Variants in CDC27 observed in about 807,000 individuals in gnomAD.
CDC27 encodes the protein cell division cycle protein 27 homolog.
CDC27 carries 27 observed loss-of-function variants against 109.7 expected under a neutral mutation model. The observed-to-expected ratio is 0.25, with a 90% CI of 0.18 to 0.34. The LOEUF is 0.34. Ranked by LOEUF, CDC27 falls within the 10% of genes least tolerant of loss-of-function variation. The pLI, the probability that CDC27 is intolerant of heterozygous loss-of-function variation, is 1.00. For synonymous variants in CDC27, 266 were observed against 333.9 expected (o/e 0.80, Z 2.22); for missense variants, 579 against 960.2 (o/e 0.60, Z 5.25).
intron 16 of CDC27, among the ~76,000 whole-genome samples, 153 bp downstream of exon 16, chr17:47,129,240 A>G (rs2062242546): frequency 6.6e-6 from 1 of 152,256 alleles, no homozygotes; most frequent in Non-Finnish European, 1.5e-5. Context: ...TGAGTATTTC[A>G]TGAAGACATA....
intron 4 of CDC27, among the ~76,000 whole-genome samples, chr17:47,162,634 C>T (rs2063530463): frequency 6.6e-6 from 1 of 152,138 alleles, no homozygotes; most frequent in Non-Finnish European, 1.5e-5. Context: ...TAAGCAAAGA[C>T]AAAATAATCT....
At position 47,117,864 on chromosome 17, in the gene CDC27, CCTT is replaced by C. The variant is rs1473675218; in HGVS notation, c.*3068_*3070del. 2 of 152,040 alleles carry C rather than the reference CCTT, an allele frequency of 1.3e-5. No homozygotes were observed. The highest frequency in any genetic ancestry group is 6.6e-5 in the Admixed American group (1 of 15,258). 9.4% of individuals were successfully genotyped at this position (152,040 alleles called of 1,614,324 possible). A position where few individuals can be genotyped will look rare whatever the true frequency, so the allele number is the denominator to read the frequency against. On this transcript the variant is annotated 3_prime_UTR_variant, in exon 19 of 19. Coordinates refer to ENST00000066544, the MANE Select transcript of CDC27 (RefSeq NM_001256.6). ...AAAACTGTATCTCTGTTTTTCTGTG[CCTT>C]CTTATTAAAATACAGATGGCACAGC... is the stretch of plus-strand genomic sequence containing the variant.
At position 47,156,957 on chromosome 17, in the gene CDC27, T is replaced by G. The variant is rs749590645; in HGVS notation, c.798A>C (p.Arg266=). The G allele has an allele frequency of 1.1e-5, 17 of 1,573,474 alleles. No homozygotes were observed. In the East Asian group the frequency reaches 3.8e-4, roughly 35 times the overall value. Residue 266 remains arginine, a synonymous_variant, in exon 7 of 19, where the codon CGA becomes CGC. Transcript: ENST00000066544. ...KQVQNKPKTG[R]SLLGGPAALS... ...GAGCTGCTGGTCCTCCTAATAAACT[T>G]CGACCAGTTTTTGGTTTATTTTGAA... is the stretch of plus-strand genomic sequence containing the variant.
At position 47,129,532 on chromosome 17, in the gene CDC27, T is replaced by G. The variant is rs1327633226; in HGVS notation, c.2032-11A>C. On this transcript the variant is annotated splice_polypyrimidine_tract_variant and intron_variant, in intron 15 of 18. Coordinates refer to ENST00000066544, the MANE Select transcript of CDC27 (RefSeq NM_001256.6). The stretch of plus-strand genomic sequence containing the variant: ...CAGTGCATGTTGAACCTGTAAGAAA[T>G]AAAGATCATGTTAATACTCCCTCTT... 1.6e-5 allele frequency: 26 copies of G among 1,582,882 alleles called. No individual in the cohort carries two copies. The highest frequency in any genetic ancestry group is 2.2e-5 in the Non-Finnish European group (26 of 1,162,944).
chr17:47,141,186 G>A (rs920594026), intron 12 of CDC27, among the ~76,000 whole-genome samples: 3 of 152,050 alleles, frequency 2.0e-5, no homozygotes, highest in African/African-American at 4.8e-5. Flanking sequence ...AGCAAAAAAC[G>A]AATCATATCA....
chr17:47,143,942 G>T lies in CDC27; in HGVS notation c.1111C>A (p.Pro371Thr), dbSNP rs749330612. The T allele has an allele frequency of 1.3e-6, 2 of 1,493,488 alleles. No homozygotes were observed. The highest frequency in any genetic ancestry group is 2.9e-5 in the South Asian group (2 of 68,434). 92.5% of individuals were successfully genotyped at this position (1,493,488 alleles called of 1,614,324 possible). A position where few individuals can be genotyped will look rare whatever the true frequency, so the allele number is the denominator to read the frequency against. ...GAACTTCTTCGAGGCAGTGCGTTTG[G>T]GGGAGATGTAATAGTGGGGCTCAAT... The part of the protein sequence containing the change: ...QVLSPTITSP[P>T]NALPRRSSRL... Residue 371 changes from proline (P) to threonine (T), a missense_variant, in exon 10 of 19, where the codon CCA becomes ACA. By Grantham distance (38) the Pro-to-Thr change is conservative (BLOSUM62 -1). Transcript: ENST00000066544.
intron 9 of CDC27, among the ~76,000 whole-genome samples, chr17:47,149,077 C>CAAAAAAAA (rs71138591): frequency 6.0e-5 from 4 of 66,866 alleles, no homozygotes; most frequent in Admixed American, 1.6e-4. Flanking sequence ...GACTCTGTCT[C>CAAAAAAAA]AAAAAAAAAA....
At chr17:47,169,367 C>T (rs11570478) in intron 4 of CDC27, among the ~76,000 whole-genome samples, 259 of 152,036 alleles carry the variant, frequency 1.7e-3, no homozygotes, top group African/African-American at 5.8e-3. Context: ...AACATGGGGC[C>T]GGGTACGGTG....
intron 2 of CDC27, among the ~76,000 whole-genome samples, chr17:47,173,226 A>C (rs1162199652): frequency 2.6e-5 from 4 of 152,230 alleles, no homozygotes; most frequent in Non-Finnish European, 4.4e-5. Context: ...AGATATGTGC[A>C]AGCAAAAACC....
At chr17:47,153,419 T>TA (rs2063208231) in intron 8 of CDC27, among the ~76,000 whole-genome samples, 1 of 152,244 alleles carries the variant, frequency 6.6e-6, no homozygotes, top group African/African-American at 2.4e-5. Context: ...CTGTAATGTT[T>TA]AAAACAATCC....
intron 4 of CDC27, 38 bp from the exon 5 acceptor site, chr17:47,158,341 C>T (rs761066538): frequency 9.5e-7 from 1 of 1,048,370 alleles, no homozygotes; most frequent in East Asian, 2.8e-5. Context: ...AAGCTACAAA[C>T]CCCAAAACCT....
intron 2 of CDC27, among the ~76,000 whole-genome samples, chr17:47,175,964 C>T (rs1435572715): frequency 1.3e-5 from 2 of 152,144 alleles, no homozygotes; most frequent in African/African-American, 2.4e-5. Flanking sequence ...TGACTTAGGG[C>T]AGAGTTACTT....
intron 4 of CDC27, among the ~76,000 whole-genome samples, chr17:47,158,651 C>T (rs2063394474): frequency 6.7e-6 from 1 of 149,014 alleles, no homozygotes; most frequent in African/African-American, 2.5e-5. Flanking sequence ...CAAGGTCTGG[C>T]TCTATCATAC....
chr17:47,159,778 C>A, intron 4 of CDC27: 1 of 428,222 alleles, frequency 2.3e-6, no homozygotes, highest in Non-Finnish European at 4.5e-6. Context: ...TGAGAGAGGC[C>A]CCCAGGAAAA....
intron 2 of CDC27, among the ~76,000 whole-genome samples, chr17:47,178,871 C>T (rs1369844888): frequency 2.0e-5 from 3 of 151,760 alleles, no homozygotes; most frequent in Admixed American, 6.6e-5. Context: ...GGTGTAATCT[C>T]GGCTCACCGC....
chr17:47,149,090 A>G (rs2063069152), intron 9 of CDC27, among the ~76,000 whole-genome samples: 1 of 151,642 alleles, frequency 6.6e-6, no homozygotes, highest in African/African-American at 2.4e-5. Flanking sequence ...AAAAAAAAAA[A>G]AAAAAAGAAA....
chr17:47,145,854 G>C (rs2062943219), intron 9 of CDC27, among the ~76,000 whole-genome samples: 2 of 151,750 alleles, frequency 1.3e-5, no homozygotes, highest in South Asian at 4.2e-4. Flanking sequence ...CCAAGATCGT[G>C]CCATTGCATT....
chr17:47,155,960 A>G (rs1011416163), intron 7 of CDC27, among the ~76,000 whole-genome samples: 4 of 152,176 alleles, frequency 2.6e-5, no homozygotes, highest in African/African-American at 9.6e-5. Context: ...CTCAAACAAA[A>G]AAAGGTAGGT....
At chr17:47,137,417 C>T in intron 13 of CDC27, 57 bp from the exon 14 acceptor site, 2 of 1,029,206 alleles carry the variant, frequency 1.9e-6, no homozygotes, top group Non-Finnish European at 2.7e-6. Flanking sequence ...TTTCTAAAAC[C>T]AAATCTATGA....
Sources: gnomAD v4.1 joint callset for allele counts (sites outside exome capture counted in the v4.1 genomes callset) on GRCh38, gnomAD v4.1.1 for gene constraint, MANE v1.5 for transcripts, NCBI Gene and HGNC (gene_info 2026-07-23, HGNC 2026-07-21) for gene names.